Variants in WDFY3 observed in about 807,000 individuals in gnomAD.
WDFY3 encodes WD repeat and FYVE domain-containing protein 3.
Under a neutral mutation model 409.6 loss-of-function variants are expected in WDFY3, and 66 were observed. That is an observed-to-expected ratio of 0.16 (90% CI 0.13 to 0.20). The LOEUF (loss-of-function observed/expected upper bound fraction) is 0.20, where lower values mean the gene tolerates loss of function less well. Ranked by LOEUF, WDFY3 falls within the 10% of genes least tolerant of loss-of-function variation. The pLI is 1.00. For missense variants in WDFY3, 3,031 were observed against 4,298.1 expected (o/e 0.71, Z 8.24); for synonymous variants, 1,521 against 1,537.1 (o/e 0.99, Z 0.25).
At chr4:84,713,717 A>C (rs1011543050) in intron 50 of WDFY3, among the ~76,000 whole-genome samples, 13 of 152,218 alleles carry the variant, frequency 8.5e-5, no homozygotes, top group Non-Finnish European at 1.9e-4. Flanking sequence ...TTCAAAGAAC[A>C]AGAGAATGCC....
At chr4:84,749,188 C>T (rs1281888591) in intron 36 of WDFY3, among the ~76,000 whole-genome samples, 3 of 152,112 alleles carry the variant, frequency 2.0e-5, no homozygotes, top group Non-Finnish European at 4.4e-5. Flanking sequence ...CCATGCTCAA[C>T]CTAATTTTCT....
intron 10 of WDFY3, among the ~76,000 whole-genome samples, chr4:84,824,719 A>T (rs1009345917): frequency 3.9e-5 from 6 of 152,174 alleles, no homozygotes; most frequent in African/African-American, 1.4e-4. Flanking sequence ...TTCAACACTC[A>T]ATTGAGTAGA....
At chr4:84,768,170 A>C (rs954594688) in intron 30 of WDFY3, among the ~76,000 whole-genome samples, 6 of 152,260 alleles carry the variant, frequency 3.9e-5, no homozygotes, top group African/African-American at 1.4e-4. Context: ...AGCCATCTCC[A>C]TAACAAAAGT....
intron 4 of WDFY3, among the ~76,000 whole-genome samples, chr4:84,856,880 T>C (rs1298449300): frequency 6.6e-6 from 1 of 152,140 alleles, no homozygotes; most frequent in Non-Finnish European, 1.5e-5. Context: ...TCACTCACCA[T>C]AGGTATTTGT....
At chr4:84,848,995 T>C (rs1220842833) in intron 5 of WDFY3, among the ~76,000 whole-genome samples, 1 of 152,230 alleles carries the variant, frequency 6.6e-6, no homozygotes, top group African/African-American at 2.4e-5. Context: ...GAACCCATTT[T>C]TCACAGCAAT....
intron 67 of WDFY3, among the ~76,000 whole-genome samples, chr4:84,676,699 T>C (rs979033807): frequency 6.6e-6 from 1 of 151,962 alleles, no homozygotes; most frequent in African/African-American, 2.4e-5. Flanking sequence ...TACAATAAGA[T>C]ATCTATATAA....
chr4:84,709,333 C>T lies in WDFY3; in HGVS notation c.8057G>A (p.Ser2686Asn). 1 of 1,610,860 alleles carries T rather than the reference C, an allele frequency of 6.2e-7. No individual in the cohort carries two copies. Among genetic ancestry groups the T allele is most frequent in the Non-Finnish European group, 8.5e-7 (1 of 1,179,018 alleles). Residue 2686 changes from serine to asparagine, a missense_variant, in exon 52 of 68, where the codon AGC becomes AAC. By Grantham distance (46) the Ser-to-Asn change is conservative. This residue lies in a region of WDFY3 where 45 missense variants were observed against 121.8 expected (regional missense o/e 0.37). Transcript: ENST00000295888. ...CACAGACTTCTCTCCAACCAAAGTG[C>T]TAAGTAACCCAGATCTAAAAGCAAT... Reference protein sequence around the residue: ...TSVEQGSGLLSTLVGEKSVTQ... With the variant: ...TSVEQGSGLLNTLVGEKSVTQ...
intron 38 of WDFY3, 106 bp from the exon 39 acceptor site, chr4:84,740,522 G>T: frequency 9.6e-7 from 1 of 1,043,912 alleles, no homozygotes; most frequent in Non-Finnish European, 1.4e-6. Flanking sequence ...CAGATGCCAT[G>T]CTAAGTATGC....
In WDFY3 at chr4:84,836,985, G is replaced by T. The variant is rs1178308419; in HGVS notation, c.520C>A (p.Gln174Lys). ...PHVPEAVGGAQNELPLAERRG... is the reference protein window; with the variant it reads ...PHVPEAVGGAKNELPLAERRG... ...CGTTCTGCTAGAGGTAGCTCATTCT[G>T]TGCACCTCCAACTGCCTCAGGCACA... Residue 174 changes from glutamine to lysine, a missense_variant, in exon 7 of 68, where the codon CAG (glutamine) becomes AAG (lysine). Transcript: ENST00000295888. 3 of 1,599,216 alleles carry T rather than the reference G, an allele frequency of 1.9e-6. No individual in the cohort carries two copies. The African/African-American group carries it at 4.0e-5, about 21-fold the overall frequency.
intron 35 of WDFY3, among the ~76,000 whole-genome samples, chr4:84,753,385 C>T (rs1161926181): frequency 1.3e-5 from 2 of 152,114 alleles, no homozygotes; most frequent in Non-Finnish European, 2.9e-5. Flanking sequence ...TTTACAACTA[C>T]ACAGCTGGCA....
chr4:84,755,136 T>G, intron 34 of WDFY3, 130 bp downstream of exon 34: 2 of 1,338,276 alleles, frequency 1.5e-6, no homozygotes, highest in Non-Finnish European at 2.0e-6. Context: ...TTGTCTAACA[T>G]AAGAGTCTGA....
At chr4:84,812,208 T>C (rs1383455889) in intron 13 of WDFY3, among the ~76,000 whole-genome samples, 1 of 152,228 alleles carries the variant, frequency 6.6e-6, no homozygotes. Flanking sequence ...TTTCTTCCAA[T>C]AGTCTTCAAT....
intron 17 of WDFY3, among the ~76,000 whole-genome samples, chr4:84,799,235 C>T (rs1750052391): frequency 6.6e-6 from 1 of 151,976 alleles, no homozygotes; most frequent in Non-Finnish European, 1.5e-5. Flanking sequence ...TAGCTCACTG[C>T]AATCTCAAAC....
At chr4:84,719,671 T>C (rs1230653181) in intron 47 of WDFY3, among the ~76,000 whole-genome samples, 8 of 152,178 alleles carry the variant, frequency 5.3e-5, no homozygotes, top group Admixed American at 5.2e-4. Context: ...CATACATACA[T>C]ATATTATATA....
chr4:84,696,976 C>T (rs1280678630), intron 56 of WDFY3, among the ~76,000 whole-genome samples, 153 bp from the exon 57 acceptor site: 1 of 152,174 alleles, frequency 6.6e-6, no homozygotes, highest in Non-Finnish European at 1.5e-5. Context: ...TCAACTCTAG[C>T]ATCCCTCAAG....
intron 36 of WDFY3, among the ~76,000 whole-genome samples, chr4:84,747,900 TAAAATTTATATAAAGGAAAATTTTTA>T (rs1739773707): frequency 6.6e-6 from 1 of 151,776 alleles, no homozygotes; most frequent in Non-Finnish European, 1.5e-5. Flanking sequence ...TATAAATTTA[TAAAATTTATATAAAGGAAAATTTTTA>T]TAAATTTTCC....
chr4:84,778,053 GAGA>G (rs1035218212), intron 27 of WDFY3, among the ~76,000 whole-genome samples: 3 of 152,108 alleles, frequency 2.0e-5, no homozygotes, highest in Non-Finnish European at 4.4e-5. Context: ...GTATGAATAG[GAGA>G]AGGATTGATT....
intron 5 of WDFY3, among the ~76,000 whole-genome samples, chr4:84,843,916 A>ATT (rs958461059): frequency 3.2e-4 from 49 of 152,262 alleles, no homozygotes; most frequent in African/African-American, 1.2e-3. Context: ...AAATTCAAAT[A>ATT]TAAACGATTT....
At chr4:84,843,188 C>G (rs1395874969) in intron 5 of WDFY3, among the ~76,000 whole-genome samples, 1 of 152,088 alleles carries the variant, frequency 6.6e-6, no homozygotes, top group Non-Finnish European at 1.5e-5. Flanking sequence ...AATCACATAG[C>G]TAGTCAGTGA....
Sources: gnomAD v4.1 joint callset for allele counts (sites outside exome capture counted in the v4.1 genomes callset) on GRCh38, gnomAD v4.1.1 for gene constraint, gnomAD v4.1.1 regional missense constraint, MANE v1.5 for transcripts, NCBI Gene and HGNC (gene_info 2026-07-23, HGNC 2026-07-21) for gene names.